Variants in ITGB3BP observed in about 807,000 individuals in gnomAD.
ITGB3BP encodes integrin subunit beta 3 binding protein, also known as centromere protein R.
A neutral mutation model predicts 29.1 loss-of-function variants in ITGB3BP; 27 were observed. The observed-to-expected ratio is 0.93, with a 90% confidence interval of 0.68 to 1.28. The LOEUF (loss-of-function observed/expected upper bound fraction) is 1.28, where lower values mean the gene tolerates loss of function less well. Among genes scored for constraint, ITGB3BP ranks in the 50% most tolerant of loss-of-function variants. The probability of loss-of-function intolerance (pLI) is 0.00; values close to 1 mark genes in which losing one functional copy is unlikely to be tolerated. For synonymous variants in ITGB3BP, 61 were observed against 61.4 expected (o/e 0.99, Z 0.03); for missense variants, 192 against 200.2 (o/e 0.96, Z 0.25).
Position 63,478,845 on chromosome 1 carries a change from TA to T in ITGB3BP, c.185-13del. On this transcript the variant is annotated splice_polypyrimidine_tract_variant and intron_variant, in intron 3 of 8. Coordinates refer to ENST00000271002, the MANE Select transcript of ITGB3BP (RefSeq NM_014288.5). Reference sequence around the variant, plus strand: ...TTTTTTTCTCTTTTCTATATATGTGTAATAAAGAAAAGGACATAAAGTTAAA... The same window carrying T: ...TTTTTTTCTCTTTTCTATATATGTGTATAAAGAAAAGGACATAAAGTTAAA... 9.8e-7 allele frequency: 1 copy of T among 1,018,258 alleles called. No homozygotes were observed. 63.1% of individuals were successfully genotyped at this position (1,018,258 alleles called of 1,614,324 possible).
At chr1:63,516,638 A>G (rs1217108400) in intron 1 of ITGB3BP, among the ~76,000 whole-genome samples, 1 of 145,822 alleles carries the variant, frequency 6.9e-6, no homozygotes. Context: ...TGAGCCCAGG[A>G]GGTGAAGGTT....
In ITGB3BP at chr1:63,508,544, C is replaced by T; in HGVS notation, c.32G>A (p.Gly11Asp). The T allele has an allele frequency of 7.0e-7, 1 of 1,429,672 alleles. No individual in the cohort carries two copies. Among genetic ancestry groups the T allele is most frequent in the Non-Finnish European group, 9.5e-7 (1 of 1,053,244 alleles). 88.6% of individuals were successfully genotyped at this position (1,429,672 alleles called of 1,614,324 possible). A position where few individuals can be genotyped will look rare whatever the true frequency, so the allele number is the denominator to read the frequency against. Residue 11 changes from glycine (G) to aspartate (D), a missense_variant, in exon 2 of 9, where the codon GGT (glycine) becomes GAT (aspartate). Physicochemically the swap from Gly to Asp is moderately conservative, Grantham distance 94. Transcript: ENST00000271002. ...AATACTTACATTTTCTTCTAACAGACCATCCAACTTCAGTGATCTTTTAAC... is the reference window on the plus strand; with the variant it reads ...AATACTTACATTTTCTTCTAACAGATCATCCAACTTCAGTGATCTTTTAAC... Reference protein sequence around the residue: MPVKRSLKLDGLLEENSFDPS... With the variant: MPVKRSLKLDDLLEENSFDPS...
At chr1:63,520,863 C>A (rs1264077869) in intron 1 of ITGB3BP, among the ~76,000 whole-genome samples, 1 of 152,102 alleles carries the variant, frequency 6.6e-6, no homozygotes, top group Non-Finnish European at 1.5e-5. Context: ...ACATATATAA[C>A]CATAAGTAGC....
At chr1:63,469,554 G>A (rs1188409837) in intron 4 of ITGB3BP, among the ~76,000 whole-genome samples, 3 of 152,058 alleles carry the variant, frequency 2.0e-5, no homozygotes, top group South Asian at 2.1e-4. Context: ...TCGAACTCCC[G>A]ACCTCAGGTG....
intron 1 of ITGB3BP, among the ~76,000 whole-genome samples, chr1:63,510,371 TA>T (rs1419240392): frequency 1.3e-5 from 2 of 152,276 alleles, no homozygotes; most frequent in East Asian, 3.9e-4. Flanking sequence ...TTAGACAAAG[TA>T]ACTAAATGTT....
At chr1:63,459,665 T>C (rs1179296959) in intron 4 of ITGB3BP, among the ~76,000 whole-genome samples, 1 of 152,174 alleles carries the variant, frequency 6.6e-6, no homozygotes, top group African/African-American at 2.4e-5. Context: ...TGGGAAATAC[T>C]GTCTCCATTT....
chr1:63,471,194 T>C (rs891122731), intron 4 of ITGB3BP, among the ~76,000 whole-genome samples: 3 of 77,256 alleles, frequency 3.9e-5, no homozygotes, highest in Non-Finnish European at 8.9e-5. Flanking sequence ...TTAAAGCTGT[T>C]TAATTTATCC....
chr1:63,507,345 T>G (rs999174456), intron 2 of ITGB3BP, among the ~76,000 whole-genome samples: 1 of 152,186 alleles, frequency 6.6e-6, no homozygotes, highest in Non-Finnish European at 1.5e-5. Flanking sequence ...ACTGGCTACC[T>G]TGACACATCT....
At chr1:63,471,857 T>C (rs1053598597) in intron 4 of ITGB3BP, among the ~76,000 whole-genome samples, 2 of 151,986 alleles carry the variant, frequency 1.3e-5, no homozygotes, top group Non-Finnish European at 2.9e-5. Flanking sequence ...CCATCTCGGC[T>C]CACTGCAAGC....
intron 4 of ITGB3BP, among the ~76,000 whole-genome samples, chr1:63,463,597 T>G (rs1645053859): frequency 6.6e-6 from 1 of 152,236 alleles, no homozygotes; most frequent in Non-Finnish European, 1.5e-5. Context: ...CAGTCACCAT[T>G]ACTGCATTTT....
At chr1:63,468,459 G>A (rs1307795058) in intron 4 of ITGB3BP, among the ~76,000 whole-genome samples, 2 of 152,234 alleles carry the variant, frequency 1.3e-5, no homozygotes, top group East Asian at 3.8e-4. Context: ...TGGGCACGGT[G>A]GCTCACGCCT....
intron 4 of ITGB3BP, among the ~76,000 whole-genome samples, chr1:63,478,346 T>C (rs1645377373): frequency 6.6e-6 from 1 of 152,218 alleles, no homozygotes; most frequent in Non-Finnish European, 1.5e-5. Flanking sequence ...GATTGGTTGC[T>C]CGCATGTAGG....
intron 7 of ITGB3BP, chr1:63,449,571 G>C (rs1281808604): frequency 6.6e-6 from 1 of 152,460 alleles, no homozygotes; most frequent in Non-Finnish European, 1.5e-5. Flanking sequence ...TGTAAAACAA[G>C]AGCATTAACA....
chr1:63,515,825 T>TAAAAA (rs76881362), intron 1 of ITGB3BP, among the ~76,000 whole-genome samples: 3 of 48,594 alleles, frequency 6.2e-5, no homozygotes, highest in African/African-American at 2.5e-4. Context: ...GACTCCAACT[T>TAAAAA]AAAAAAAAAA....
intron 4 of ITGB3BP, among the ~76,000 whole-genome samples, chr1:63,464,276 C>T (rs1645066063): frequency 6.6e-6 from 1 of 152,106 alleles, no homozygotes. Flanking sequence ...GACTATATAT[C>T]TTTAGAGACA....
chr1:63,473,105 T>C (rs1436716808), intron 4 of ITGB3BP, among the ~76,000 whole-genome samples: 1 of 146,594 alleles, frequency 6.8e-6, no homozygotes, highest in African/African-American at 2.6e-5. Context: ...GTCTGAGATG[T>C]GGGGAGCACC....
intron 2 of ITGB3BP, among the ~76,000 whole-genome samples, chr1:63,497,138 C>T (rs921168117): frequency 6.6e-6 from 1 of 152,032 alleles, no homozygotes; most frequent in Non-Finnish European, 1.5e-5. Flanking sequence ...GAAGCAAAGA[C>T]AAAAATTCTT....
Position 63,508,527 on chromosome 1 carries a change from C to T in ITGB3BP, c.48+1G>A, listed in dbSNP as rs1354913143. ...TGACAAACTTTTAAGCAAATACTTACATTTTCTTCTAACAGACCATCCAAC... is the reference window on the plus strand; with the variant it reads ...TGACAAACTTTTAAGCAAATACTTATATTTTCTTCTAACAGACCATCCAAC... On this transcript the variant is annotated splice_donor_variant, in intron 2 of 8. Coordinates refer to ENST00000271002, the MANE Select transcript of ITGB3BP (RefSeq NM_014288.5). LOFTEE classifies it high-confidence loss of function. The T allele has an allele frequency of 7.1e-7, 1 of 1,407,132 alleles. No individual in the cohort carries two copies. Among genetic ancestry groups the T allele is most frequent in the Non-Finnish European group, 9.7e-7 (1 of 1,032,308 alleles). 87.2% of individuals were successfully genotyped at this position (1,407,132 alleles called of 1,614,324 possible). A position where few individuals can be genotyped will look rare whatever the true frequency, so the allele number is the denominator to read the frequency against.
chr1:63,524,171 G>C (rs1315305987), upstream of ITGB3BP, among the ~76,000 whole-genome samples: 1 of 152,230 alleles, frequency 6.6e-6, no homozygotes, highest in South Asian at 2.1e-4. Context: ...AATATTTGAG[G>C]ACGATCCTAA....
Sources: allele counts gnomAD v4.1 joint callset (sites outside exome capture counted in the v4.1 genomes callset), GRCh38; gene constraint gnomAD v4.1.1; transcripts MANE v1.5; gene names NCBI Gene and HGNC (gene_info 2026-07-23, HGNC 2026-07-21).